Variants in C4orf17 observed in about 807,000 individuals in gnomAD.
C4orf17 encodes the protein chromosome 4 open reading frame 17.
Under a neutral mutation model 32.0 loss-of-function variants are expected in C4orf17, and 25 were observed. The observed-to-expected ratio is 0.78, with a 90% CI of 0.57 to 1.09. C4orf17 has a LOEUF of 1.09. C4orf17 is among the 50% of genes least tolerant of loss of function. C4orf17 has a pLI of 0.00. For missense variants in C4orf17, 420 were observed against 420.0 expected (o/e 1.00, Z 0.00); for synonymous variants, 149 against 145.8 (o/e 1.02, Z -0.16).
At position 99,520,342 on chromosome 4, in the gene C4orf17, G is replaced by A. The variant is rs1027437991; in HGVS notation, c.128-2158G>A. On this transcript the variant is annotated intron_variant, in intron 2 of 8. Transcript: ENST00000326581. ...GATCTCCTGACCTCGTGATCCGCCC[G>A]CCTCAGCCTCCCAAAGTGCTGGGAT... Among the ~76,000 whole-genome samples, 22 of 152,082 alleles carry A rather than the reference G, an allele frequency of 1.4e-4. 1 individual carries two copies. The highest frequency in any genetic ancestry group is 1.2e-3 in the South Asian group (6 of 4,818).
chr4:99,529,767 T>C, intron 4 of C4orf17, 48 bp from the exon 5 acceptor site: 1 of 1,456,814 alleles, frequency 6.9e-7, no homozygotes, highest in Non-Finnish European at 9.3e-7. Flanking sequence ...TCATAGAAAA[T>C]ATAGGTGGAT....
At chr4:99,519,648 C>T (rs766650994) in intron 2 of C4orf17, among the ~76,000 whole-genome samples, 4 of 152,200 alleles carry the variant, frequency 2.6e-5, no homozygotes, top group Non-Finnish European at 4.4e-5. Flanking sequence ...TCAGTAGTCT[C>T]ACAGTTCTGT....
intron 8 of C4orf17, chr4:99,541,087 T>G (rs1187104969): frequency 6.6e-6 from 1 of 152,260 alleles, no homozygotes; most frequent in Non-Finnish European, 1.5e-5. Flanking sequence ...AACTATGAAG[T>G]GTATCTACAA....
intron 3 of C4orf17, among the ~76,000 whole-genome samples, chr4:99,523,374 A>C (rs1578189942): frequency 6.6e-6 from 1 of 152,250 alleles, no homozygotes; most frequent in East Asian, 1.9e-4. Flanking sequence ...AGGACACATG[A>C]AAATTATTAT....
chr4:99,511,928 T>C (rs1723100035), intron 1 of C4orf17, among the ~76,000 whole-genome samples: 1 of 152,216 alleles, frequency 6.6e-6, no homozygotes, highest in African/African-American at 2.4e-5. Flanking sequence ...TATTTATATA[T>C]ATCAAACTGA....
Position 99,537,702 on chromosome 4 carries a change from G to T in C4orf17, c.580G>T (p.Asp194Tyr). Reference protein sequence around the residue: ...LAKLCSILHTDSLAEVLQWLL... With the variant: ...LAKLCSILHTYSLAEVLQWLL... ...AAAGCTCTGTAGCATTTTGCATACT[G>T]ATTCTCTGGCAGAAGTTTTACAGTG... Residue 194 changes from aspartate to tyrosine, a missense_variant, in exon 6 of 9, where the codon GAT (aspartate) becomes TAT (tyrosine). Coordinates refer to ENST00000326581, the MANE Select transcript of C4orf17 (RefSeq NM_032149.3). The T allele has an allele frequency of 6.2e-7, 1 of 1,612,890 alleles. No individual in the cohort carries two copies. Among genetic ancestry groups the T allele is most frequent in the Non-Finnish European group, 8.5e-7 (1 of 1,179,892 alleles).
chr4:99,538,505 T>C (rs1483542021), intron 6 of C4orf17, among the ~76,000 whole-genome samples: 1 of 152,240 alleles, frequency 6.6e-6, no homozygotes. Context: ...GTAGGAAGCA[T>C]TCTGGAAATA....
At chr4:99,524,086 T>G (rs900066214) in intron 3 of C4orf17, among the ~76,000 whole-genome samples, 2 of 151,230 alleles carry the variant, frequency 1.3e-5, no homozygotes, top group Non-Finnish European at 1.5e-5. Flanking sequence ...TTCACGCCAT[T>G]CTCCTGCCTC....
chr4:99,518,638 G>T (rs1723237333), intron 2 of C4orf17, among the ~76,000 whole-genome samples: 1 of 146,386 alleles, frequency 6.8e-6, no homozygotes, highest in Admixed American at 6.9e-5. Context: ...ATCCTTTGGA[G>T]GCTTCCCATG....
chr4:99,527,647 G>A (rs1008208350), intron 4 of C4orf17, among the ~76,000 whole-genome samples: 1 of 152,208 alleles, frequency 6.6e-6, no homozygotes, highest in African/African-American at 2.4e-5. Context: ...CTGCTGATCT[G>A]ACAGGAGGCA....
chr4:99,513,065 A>G lies in C4orf17; in HGVS notation c.-17A>G. 6.2e-7 allele frequency: 1 copy of G among 1,613,472 alleles called. No homozygotes were observed. Among genetic ancestry groups the G allele is most frequent in the Non-Finnish European group, 8.5e-7 (1 of 1,179,680 alleles). ...TTGTGACAACAGTGAAGAGGGGAAA[A>G]TAAACACACCACAAACATGAACCTC... On this transcript the variant is annotated 5_prime_UTR_variant, in exon 2 of 9. Transcript: ENST00000326581.
rs188098846 is a variant in C4orf17 at position 99,521,070 on chromosome 4, T to A, written c.128-1430T>A. 3.6e-3 allele frequency among the ~76,000 whole-genome samples: 545 copies of A among 152,286 alleles called. 8 individuals carry two copies. The highest frequency in any genetic ancestry group is 4.2e-3 in the Non-Finnish European group (283 of 68,026). ...ATTAGCTAATAAGCATTAGCTTAAATGTGTATTTAAGATGTAGATGGGGCC... is the reference window on the plus strand; with the variant it reads ...ATTAGCTAATAAGCATTAGCTTAAAAGTGTATTTAAGATGTAGATGGGGCC... On this transcript the variant is annotated intron_variant, in intron 2 of 8. Coordinates refer to ENST00000326581, the MANE Select transcript of C4orf17 (RefSeq NM_032149.3).
chr4:99,535,928 T>C (rs1723553279), intron 5 of C4orf17: 1 of 448,162 alleles, frequency 2.2e-6, no homozygotes, highest in Non-Finnish European at 4.4e-6. Flanking sequence ...GTGGCATCTT[T>C]GTTGTTGTTG....
intron 2 of C4orf17, among the ~76,000 whole-genome samples, chr4:99,520,651 T>C (rs541997189): frequency 2.6e-5 from 4 of 152,312 alleles, no homozygotes; most frequent in South Asian, 4.1e-4. Flanking sequence ...TATGTTCAAT[T>C]GAAAGAAAAA....
At position 99,542,157 on chromosome 4, in the gene C4orf17, A is replaced by G. The variant is rs1723659128; in HGVS notation, c.*48A>G. 6.7e-7 allele frequency: 1 copy of G among 1,484,798 alleles called. No individual in the cohort carries two copies. Among genetic ancestry groups the G allele is most frequent in the Non-Finnish European group, 9.4e-7 (1 of 1,066,842 alleles). 92.0% of individuals were successfully genotyped at this position (1,484,798 alleles called of 1,614,324 possible). A position where few individuals can be genotyped will look rare whatever the true frequency, so the allele number is the denominator to read the frequency against. On this transcript the variant is annotated 3_prime_UTR_variant, in exon 9 of 9. Coordinates refer to ENST00000326581, the MANE Select transcript of C4orf17 (RefSeq NM_032149.3). ...TTTCATGAATATGAGCTTCACATTT[A>G]CATCATCAAATTATTTTTCAAATGA...
intron 6 of C4orf17, 149 bp downstream of exon 6, chr4:99,537,899 T>C (rs1723587720): frequency 1.5e-6 from 1 of 655,840 alleles, no homozygotes; most frequent in Non-Finnish European, 2.7e-6. Context: ...GGGTGATTAC[T>C]GTTCTGCATA....
At chr4:99,530,288 C>G (rs548673379) in intron 5 of C4orf17, among the ~76,000 whole-genome samples, 14 of 152,192 alleles carry the variant, frequency 9.2e-5, no homozygotes, top group Admixed American at 5.2e-4. Flanking sequence ...TGTCTTGCCG[C>G]AATCTATACA....
intron 5 of C4orf17, among the ~76,000 whole-genome samples, chr4:99,532,893 A>C (rs1277613704): frequency 6.6e-6 from 1 of 152,208 alleles, no homozygotes; most frequent in Non-Finnish European, 1.5e-5. Context: ...GGACATAAAG[A>C]ATGTTTAGGA....
chr4:99,525,670 C>T (rs754598687), intron 4 of C4orf17, among the ~76,000 whole-genome samples: 1 of 151,976 alleles, frequency 6.6e-6, no homozygotes, highest in Admixed American at 6.6e-5. Context: ...TGGTACGCGC[C>T]TGTAGTCCCA....
Sources: gnomAD v4.1 joint callset for allele counts (sites outside exome capture counted in the v4.1 genomes callset) on GRCh38, gnomAD v4.1.1 for gene constraint, MANE v1.5 for transcripts, NCBI Gene and HGNC (gene_info 2026-07-23, HGNC 2026-07-21) for gene names.